IL18: variants seen among roughly 807,000 people sequenced by gnomAD.
IL18 encodes interleukin 18.
In IL18, 8 loss-of-function variants were observed where a neutral mutation model predicts 14.2. That is an observed-to-expected ratio of 0.56 (90% CI 0.33 to 1.01). The LOEUF (loss-of-function observed/expected upper bound fraction) is 1.01, where lower values mean the gene tolerates loss of function less well. Among genes scored for constraint, IL18 ranks in the 50% least tolerant of loss-of-function variants. The pLI is 0.03. For missense variants in IL18, 166 were observed against 231.1 expected, an observed-to-expected ratio of 0.72 and a Z score of 1.83; for synonymous variants, 67 against 71.0, an observed-to-expected ratio of 0.94 and a Z score of 0.28.
chr11:112,148,477 AG>A (rs376854378), intron 5 of IL18, 125 bp downstream of exon 5: 10 of 414,330 alleles, frequency 2.4e-5, no homozygotes, highest in African/African-American at 2.1e-4. Context: ...TCTAGACAAA[AG>A]GTTGGTCTGA....
At chr11:112,152,678 A>G (rs1247946086) in intron 3 of IL18, among the ~76,000 whole-genome samples, 4 of 152,184 alleles carry the variant, frequency 2.6e-5, no homozygotes, top group African/African-American at 9.7e-5. Context: ...TAACTGGGAT[A>G]TGAACCCAGG....
At chr11:112,144,349 C>T (rs1295762813) in intron 5 of IL18, among the ~76,000 whole-genome samples, 2 of 152,258 alleles carry the variant, frequency 1.3e-5, no homozygotes, top group African/African-American at 4.8e-5. Context: ...CCCCCTGCCT[C>T]AGCCTCCTGA....
intron 3 of IL18, among the ~76,000 whole-genome samples, chr11:112,151,907 T>C (rs1198832854): frequency 6.6e-6 from 1 of 152,232 alleles, no homozygotes; most frequent in Non-Finnish European, 1.5e-5. Context: ...ATCCTTTAAA[T>C]GTAGGTATTC....
At chr11:112,159,474 T>C (rs919069283) in intron 1 of IL18, among the ~76,000 whole-genome samples, 65 of 152,144 alleles carry the variant, frequency 4.3e-4, no homozygotes, top group African/African-American at 1.5e-3. Context: ...ATTCAAGAGA[T>C]ACTAAACAGC....
chr11:112,154,515 A>G (rs1418975720), intron 2 of IL18, among the ~76,000 whole-genome samples: 1 of 152,096 alleles, frequency 6.6e-6, no homozygotes, highest in Non-Finnish European at 1.5e-5. Context: ...AACAGAAAAA[A>G]AAAAAAAAGA....
In IL18 at chr11:112,143,561, C is replaced by A. The variant is rs753478354; in HGVS notation, c.*35G>T. The A allele has an allele frequency of 9.8e-6, 14 of 1,425,032 alleles. No individual in the cohort carries two copies. The highest frequency in any genetic ancestry group is 1.4e-5 in the Non-Finnish European group (14 of 1,024,258). 88.3% of individuals were successfully genotyped at this position (1,425,032 alleles called of 1,614,324 possible). A position where few individuals can be genotyped will look rare whatever the true frequency, so the allele number is the denominator to read the frequency against. ...CCTCCCAAAGGGCTGGGATTACAGGCGTGAGCCACTGCGCCCGGCATGAAA... is the reference window on the plus strand; with the variant it reads ...CCTCCCAAAGGGCTGGGATTACAGGAGTGAGCCACTGCGCCCGGCATGAAA... On this transcript the variant is annotated 3_prime_UTR_variant, in exon 6 of 6. Transcript: ENST00000280357.
At chr11:112,157,733 G>A (rs1866557900) in intron 1 of IL18, among the ~76,000 whole-genome samples, 1 of 151,998 alleles carries the variant, frequency 6.6e-6, no homozygotes, top group African/African-American at 2.4e-5. Flanking sequence ...TAGGCAGCGG[G>A]GAGACCGAGA....
intron 3 of IL18, chr11:112,153,067 A>C (rs1299096372): frequency 6.6e-6 from 1 of 152,576 alleles, no homozygotes; most frequent in African/African-American, 2.4e-5. Context: ...ATTACCCTGA[A>C]TTCATCATAA....
chr11:112,163,131 A>T (rs1188918385), intron 1 of IL18, among the ~76,000 whole-genome samples: 2 of 152,234 alleles, frequency 1.3e-5, no homozygotes, highest in African/African-American at 4.8e-5. Context: ...AGGGGGTCCT[A>T]ATTTTTGTTA....
At chr11:112,148,771 G>A (rs1387575659) in intron 4 of IL18, 35 bp from the exon 5 acceptor site, 3 of 1,300,552 alleles carry the variant, frequency 2.3e-6, no homozygotes, top group Non-Finnish European at 3.0e-6. Flanking sequence ...ACTCTAGTTA[G>A]AAGAATTCTT....
chr11:112,150,247 C>T (rs755487986), intron 3 of IL18, 41 bp from the exon 4 acceptor site: 2 of 1,321,512 alleles, frequency 1.5e-6, no homozygotes, highest in Non-Finnish European at 2.2e-6. Context: ...TACATAGTTT[C>T]TTTGTTAATT....
chr11:112,145,971 C>T (rs1866334845), intron 5 of IL18, among the ~76,000 whole-genome samples: 1 of 151,646 alleles, frequency 6.6e-6, no homozygotes, highest in South Asian at 2.1e-4. Flanking sequence ...CTTGGAGAAC[C>T]CCCAACTTGG....
intron 3 of IL18, among the ~76,000 whole-genome samples, chr11:112,152,123 C>T (rs753683534): frequency 5.3e-5 from 8 of 152,194 alleles, no homozygotes; most frequent in Non-Finnish European, 1.0e-4. Context: ...CATCTCAGAT[C>T]CAAAACGAAA....
At chr11:112,161,282 G>C (rs1461156991) in intron 1 of IL18, among the ~76,000 whole-genome samples, 1 of 152,058 alleles carries the variant, frequency 6.6e-6, no homozygotes, top group African/African-American at 2.4e-5. Flanking sequence ...TAATTTTAAG[G>C]GTCTCAGTTC....
At chr11:112,161,968 T>G (rs1866639751) in intron 1 of IL18, among the ~76,000 whole-genome samples, 1 of 152,212 alleles carries the variant, frequency 6.6e-6, no homozygotes, top group South Asian at 2.1e-4. Context: ...TGAGATCAGG[T>G]AGGTAGTCAT....
chr11:112,144,038 G>T (rs3882891), intron 5 of IL18, among the ~76,000 whole-genome samples: 81,792 of 151,904 alleles, frequency 0.54, 22,233 homozygotes, highest in South Asian at 0.67. Context: ...CAGGCCTCTA[G>T]TTTTCCCCTA....
chr11:112,160,489 T>C (rs1866611493), intron 1 of IL18, among the ~76,000 whole-genome samples: 1 of 152,146 alleles, frequency 6.6e-6, no homozygotes, highest in Non-Finnish European at 1.5e-5. Flanking sequence ...CTACCCTAAA[T>C]TGAGATTACT....
intron 1 of IL18, among the ~76,000 whole-genome samples, chr11:112,161,092 A>G (rs1320911798): frequency 4.0e-5 from 6 of 150,102 alleles, no homozygotes; most frequent in Non-Finnish European, 5.9e-5. Flanking sequence ...TTTTTTTAAG[A>G]GTTATAAACC....
chr11:112,149,280 T>C (rs1245665775), intron 4 of IL18, among the ~76,000 whole-genome samples: 4 of 151,878 alleles, frequency 2.6e-5, no homozygotes, highest in Admixed American at 2.0e-4. Flanking sequence ...TCAGCCTGGG[T>C]GACAGAGTGA....
Sources: gnomAD v4.1 joint callset for allele counts (sites outside exome capture counted in the v4.1 genomes callset) on GRCh38, gnomAD v4.1.1 for gene constraint, MANE v1.5 for transcripts, NCBI Gene and HGNC (gene_info 2026-07-23, HGNC 2026-07-21) for gene names.